LDB2: variants seen among roughly 807,000 people sequenced by gnomAD.
LDB2 encodes the protein LIM domain binding 2.
Under a neutral mutation model 44.3 loss-of-function variants are expected in LDB2, and 12 were observed. The ratio of observed to expected loss-of-function variants is 0.27; its 90% CI spans 0.17 to 0.44. LDB2 has a LOEUF of 0.44. Among genes scored for constraint, LDB2 ranks in the 20% least tolerant of loss-of-function variants. The probability of loss-of-function intolerance (pLI) is 1.00; values close to 1 mark genes in which losing one functional copy is unlikely to be tolerated. For synonymous variants in LDB2, 164 were observed against 174.8 expected (o/e 0.94, Z 0.49); for missense variants, 344 against 473.5 (o/e 0.73, Z 2.54).
At chr4:16,524,838 C>T (rs770334711) in intron 5 of LDB2, among the ~76,000 whole-genome samples, 2 of 152,132 alleles carry the variant, frequency 1.3e-5, no homozygotes, top group Non-Finnish European at 2.9e-5. Context: ...TGGAGACTGA[C>T]CCCCAGCATA....
At chr4:16,522,950 T>G (rs1363085668) in intron 5 of LDB2, among the ~76,000 whole-genome samples, 2 of 152,212 alleles carry the variant, frequency 1.3e-5, no homozygotes, top group Non-Finnish European at 2.9e-5. Flanking sequence ...ATGGTAAGTT[T>G]TAAAGATTCT....
intron 1 of LDB2, among the ~76,000 whole-genome samples, chr4:16,850,492 C>A (rs1178511586): frequency 1.3e-5 from 2 of 152,144 alleles, no homozygotes; most frequent in Non-Finnish European, 2.9e-5. Flanking sequence ...TTTACATAAG[C>A]TTATTTCCTC....
At chr4:16,658,235 A>G (rs1229939451) in intron 2 of LDB2, among the ~76,000 whole-genome samples, 1 of 152,194 alleles carries the variant, frequency 6.6e-6, no homozygotes, top group Non-Finnish European at 1.5e-5. Context: ...CTCAGTGCCA[A>G]GTCCACAGTA....
At chr4:16,518,983 C>T (rs563822898) in intron 5 of LDB2, among the ~76,000 whole-genome samples, 5 of 152,328 alleles carry the variant, frequency 3.3e-5, no homozygotes, top group African/African-American at 1.2e-4. Context: ...CTGTCTCCGA[C>T]CATCCTATCC....
rs1203460346 is a variant in LDB2, at chr4:16,622,232, CTTAG to C, written c.236-26361_236-26358del. ...CCAGTTGGAAAAGCAACACTGAGTG[CTTAG>C]TTAGAGAAACTACAGATTAGATGAT... On this transcript the variant is annotated intron_variant, in intron 2 of 7. Transcript: ENST00000304523. Among the ~76,000 whole-genome samples the C allele has an allele frequency of 4.6e-5, 7 of 152,288 alleles. No individual in the cohort carries two copies. The East Asian group carries it at 1.2e-3, about 25-fold the overall frequency.
At chr4:16,626,345 ACTTAT>A (rs1210888160) in intron 2 of LDB2, among the ~76,000 whole-genome samples, 3 of 152,174 alleles carry the variant, frequency 2.0e-5, no homozygotes, top group Admixed American at 6.5e-5. Flanking sequence ...TCTTGTTTGC[ACTTAT>A]CTTATTCTTT....
intron 2 of LDB2, among the ~76,000 whole-genome samples, chr4:16,629,809 G>T (rs529077304): frequency 1.3e-4 from 19 of 151,848 alleles, no homozygotes; most frequent in Non-Finnish European, 2.2e-4. Context: ...TTCAATAGCC[G>T]ATTCAATCAA....
intron 1 of LDB2, among the ~76,000 whole-genome samples, chr4:16,880,684 T>A (rs1719796752): frequency 6.6e-6 from 1 of 151,994 alleles, no homozygotes; most frequent in South Asian, 2.1e-4. Context: ...AGGCGTCGGA[T>A]CACGAGGTCA....
chr4:16,505,904 A>G, intron 7 of LDB2: 1 of 1,551,504 alleles, frequency 6.4e-7, no homozygotes, highest in Non-Finnish European at 8.7e-7. Flanking sequence ...AATTGGCCAG[A>G]AGGGGTCACT....
At chr4:16,656,864 TA>T (rs1740022397) in intron 2 of LDB2, among the ~76,000 whole-genome samples, 1 of 152,244 alleles carries the variant, frequency 6.6e-6, no homozygotes, top group African/African-American at 2.4e-5. Context: ...ATAATTAAAT[TA>T]AAATTATTGT....
intron 1 of LDB2, among the ~76,000 whole-genome samples, chr4:16,885,403 T>G (rs915870255): frequency 6.6e-6 from 1 of 152,138 alleles, no homozygotes; most frequent in Non-Finnish European, 1.5e-5. Context: ...AGATTGATAT[T>G]GGTCACAGAG....
chr4:16,542,108 G>GGGT (rs1553889216), intron 5 of LDB2, among the ~76,000 whole-genome samples: 11 of 147,468 alleles, frequency 7.5e-5, no homozygotes, highest in South Asian at 4.8e-4. Context: ...TGGTGGGGGG[G>GGGT]GGGGCGCGAG....
At chr4:16,855,841 T>C (rs535439013) in intron 1 of LDB2, among the ~76,000 whole-genome samples, 6 of 152,260 alleles carry the variant, frequency 3.9e-5, no homozygotes, top group South Asian at 2.1e-4. Flanking sequence ...AAATAACCAA[T>C]GCATGTTATT....
chr4:16,547,952 T>TG (rs1560436074), intron 5 of LDB2, among the ~76,000 whole-genome samples: 5 of 151,278 alleles, frequency 3.3e-5, no homozygotes, highest in African/African-American at 1.2e-4. Context: ...GTTCTTTTTT[T>TG]TTGTTTGTTT....
intron 5 of LDB2, among the ~76,000 whole-genome samples, chr4:16,540,592 A>G (rs763346883): frequency 6.6e-5 from 10 of 152,186 alleles, no homozygotes; most frequent in Non-Finnish European, 1.5e-4. Flanking sequence ...AGAATCATTT[A>G]TTGAACATCT....
At chr4:16,795,368 C>T (rs999468525) in intron 1 of LDB2, among the ~76,000 whole-genome samples, 6 of 152,164 alleles carry the variant, frequency 3.9e-5, no homozygotes, top group African/African-American at 1.2e-4. Flanking sequence ...TCTAAGGATG[C>T]GCTCACTGCC....
At chr4:16,514,301 A>G (rs1459346551) in intron 5 of LDB2, among the ~76,000 whole-genome samples, 1 of 152,190 alleles carries the variant, frequency 6.6e-6, no homozygotes, top group Non-Finnish European at 1.5e-5. Flanking sequence ...TGACCCTTAT[A>G]ATAGGTAAGA....
chr4:16,506,038 A>G (rs978908434), intron 7 of LDB2: 1 of 1,528,336 alleles, frequency 6.5e-7, no homozygotes, highest in Non-Finnish European at 8.8e-7. Context: ...CTCGCCAGAC[A>G]CACACATCGC....
chr4:16,896,587 T>C (rs1018214383), intron 1 of LDB2, among the ~76,000 whole-genome samples: 19 of 152,242 alleles, frequency 1.2e-4, no homozygotes, highest in African/African-American at 4.6e-4. Flanking sequence ...CTTTCTAAAA[T>C]GTAAGGTGGA....
Sources: allele counts gnomAD v4.1 joint callset (sites outside exome capture counted in the v4.1 genomes callset), GRCh38; gene constraint gnomAD v4.1.1; transcripts MANE v1.5; gene names NCBI Gene and HGNC (gene_info 2026-07-23, HGNC 2026-07-21).